GRID1: variants seen among roughly 807,000 people sequenced by gnomAD.
GRID1 encodes the protein glutamate receptor ionotropic, delta-1.
In GRID1, 28 loss-of-function variants were observed where a neutral mutation model predicts 98.0. The ratio of observed to expected loss-of-function variants is 0.29; its 90% CI spans 0.21 to 0.39. GRID1 has a LOEUF of 0.39. Ranked by LOEUF, GRID1 falls within the 10% of genes least tolerant of loss-of-function variation. GRID1 has a pLI of 1.00. For synonymous variants in GRID1, 553 were observed against 538.5 expected (o/e 1.03, Z -0.37); for missense variants, 1,111 against 1,340.5 (o/e 0.83, Z 2.67).
chr10:85,860,288 A>G (rs1286689875), intron 6 of GRID1, among the ~76,000 whole-genome samples: 1 of 152,236 alleles, frequency 6.6e-6, no homozygotes, highest in Non-Finnish European at 1.5e-5. Flanking sequence ...GCTCTGGGTG[A>G]CCTAGGAACA....
At chr10:86,063,606 C>CAT (rs143823053) in intron 4 of GRID1, among the ~76,000 whole-genome samples, 6,587 of 152,218 alleles carry the variant, frequency 0.043, 165 homozygotes, top group Middle Eastern at 0.068. Context: ...TGTGCTTAAC[C>CAT]AATCTGCTAT....
At chr10:85,615,393 C>T (rs980978098) in intron 14 of GRID1, among the ~76,000 whole-genome samples, 2 of 152,210 alleles carry the variant, frequency 1.3e-5, no homozygotes, top group African/African-American at 4.8e-5. Flanking sequence ...AGGACAGGAG[C>T]TGTGGGTTAC....
At chr10:85,979,169 C>T (rs903446606) in intron 4 of GRID1, among the ~76,000 whole-genome samples, 16 of 152,152 alleles carry the variant, frequency 1.1e-4, no homozygotes, top group African/African-American at 3.4e-4. Flanking sequence ...GAAAGCCCTG[C>T]GTGAAACCTG....
intron 3 of GRID1, among the ~76,000 whole-genome samples, chr10:86,196,112 T>A (rs989027920): frequency 6.6e-5 from 10 of 151,984 alleles, no homozygotes; most frequent in African/African-American, 2.4e-4. Flanking sequence ...TCCTTTCCCA[T>A]AAGCTGCTGA....
chr10:85,977,674 A>C (rs761046462), intron 4 of GRID1, among the ~76,000 whole-genome samples: 1 of 152,204 alleles, frequency 6.6e-6, no homozygotes, highest in Non-Finnish European at 1.5e-5. Context: ...GTCCCTCTCC[A>C]GACACAACGC....
chr10:85,634,341 C>T lies in GRID1; in HGVS notation c.2193+12861G>A, dbSNP rs542905822. 4.0e-5 allele frequency among the ~76,000 whole-genome samples: 6 copies of T among 149,890 alleles called. No homozygotes were observed. The South Asian group carries it at 1.3e-3, about 32-fold the overall frequency. On this transcript the variant is annotated intron_variant, in intron 13 of 15. Transcript: ENST00000327946. ...GACTACAATTTCAAAATATAGGACC[C>T]AGAGCAAATCTTAATATCCTCATGT...
intron 8 of GRID1, among the ~76,000 whole-genome samples, chr10:85,737,087 G>T (rs1841890487): frequency 6.6e-6 from 1 of 152,128 alleles, no homozygotes; most frequent in Non-Finnish European, 1.5e-5. Context: ...AACATCTCAG[G>T]CATGTGTATA....
At chr10:86,021,589 A>G (rs1451129906) in intron 4 of GRID1, among the ~76,000 whole-genome samples, 1 of 152,060 alleles carries the variant, frequency 6.6e-6, no homozygotes, top group Non-Finnish European at 1.5e-5. Flanking sequence ...AAAGATTTCT[A>G]TATCCCCTCA....
intron 15 of GRID1, among the ~76,000 whole-genome samples, chr10:85,608,789 G>A (rs1041663944): frequency 5.3e-5 from 8 of 152,168 alleles, no homozygotes; most frequent in African/African-American, 1.9e-4. Flanking sequence ...AAGTGATCTG[G>A]TTTTGAGATA....
At chr10:86,346,755 G>T (rs2132113700) in intron 2 of GRID1, among the ~76,000 whole-genome samples, 1 of 152,328 alleles carries the variant, frequency 6.6e-6, no homozygotes, top group Admixed American at 6.5e-5. Flanking sequence ...GGAGGATGGG[G>T]CAAGGCTGCT....
rs7895679 is a variant in GRID1 at position 85,909,228 on chromosome 10, A to G, written c.780+6958T>C. ...CAGTTATGAGGGAAATGAAAAATCAACATCACAGTGAGGACCATTACACAC... is the reference window on the plus strand; with the variant it reads ...CAGTTATGAGGGAAATGAAAAATCAGCATCACAGTGAGGACCATTACACAC... On this transcript the variant is annotated intron_variant, in intron 5 of 15. Coordinates refer to ENST00000327946, the MANE Select transcript of GRID1 (RefSeq NM_017551.3). Among the ~76,000 whole-genome samples the G allele has an allele frequency of 2.0e-3, 307 of 152,356 alleles. 4 individuals are homozygous for G. Among genetic ancestry groups the G allele is most frequent in the African/African-American group, 7.0e-3 (292 of 41,580 alleles).
chr10:86,190,153 C>A (rs112719490), intron 3 of GRID1, among the ~76,000 whole-genome samples: 1 of 152,198 alleles, frequency 6.6e-6, no homozygotes, highest in Non-Finnish European at 1.5e-5. Flanking sequence ...CGCCCACCCC[C>A]AAGCAGGTCA....
At chr10:85,707,018 A>C (rs1442769149) in intron 12 of GRID1, among the ~76,000 whole-genome samples, 1 of 152,188 alleles carries the variant, frequency 6.6e-6, no homozygotes, top group East Asian at 1.9e-4. Flanking sequence ...CCTAGAAGAA[A>C]ACCTAGGCAA....
intron 2 of GRID1, among the ~76,000 whole-genome samples, chr10:86,272,878 T>C (rs866769053): frequency 3.9e-5 from 6 of 152,172 alleles, no homozygotes; most frequent in Non-Finnish European, 7.3e-5. Context: ...CTAGGCACAC[T>C]AATCTCTTTT....
intron 12 of GRID1, among the ~76,000 whole-genome samples, chr10:85,672,446 T>C (rs1185601429): frequency 3.3e-5 from 5 of 152,180 alleles, no homozygotes; most frequent in Admixed American, 2.6e-4. Flanking sequence ...TAGCTGGGAC[T>C]ACAGGTGCCC....
chr10:85,849,122 C>T (rs1176381019), intron 8 of GRID1, among the ~76,000 whole-genome samples: 1 of 152,184 alleles, frequency 6.6e-6, no homozygotes, highest in African/African-American at 2.4e-5. Context: ...TACTTCATTA[C>T]GAGTTAGCCT....
Position 85,613,409 on chromosome 10 carries a change from C to T in GRID1, c.2599G>A (p.Glu867Lys), listed in dbSNP as rs1158883162. The change falls in exon 15 of 16, where the codon GAG becomes AAG. Residue 867 changes from glutamate (E) to lysine (K), a missense_variant and splice_region_variant. Around this residue, in one of 3 missense-constraint regions of GRID1, gnomAD observed 762 missense variants for 869.1 expected, o/e 0.88. Coordinates refer to ENST00000327946, the MANE Select transcript of GRID1 (RefSeq NM_017551.3). ...SNRCHQETPK[E>K]DKEVNLEQVH... The stretch of plus-strand genomic sequence containing the variant: ...AGGGCAGGCCCCAGGGTGCTGACCT[C>T]CTTGGGGGTCTCCTGGTGGCACCGG... The T allele has an allele frequency of 1.2e-6, 2 of 1,612,330 alleles. No individual in the cohort carries two copies. The highest frequency in any genetic ancestry group is 1.7e-6 in the Non-Finnish European group (2 of 1,179,638).
At chr10:85,957,356 C>T (rs1037912421) in intron 4 of GRID1, among the ~76,000 whole-genome samples, 2 of 152,034 alleles carry the variant, frequency 1.3e-5, no homozygotes, top group African/African-American at 4.8e-5. Flanking sequence ...CCTCACACAC[C>T]CCATGAATGA....
At chr10:85,753,531 A>T (rs1001200554) in intron 8 of GRID1, among the ~76,000 whole-genome samples, 2 of 152,250 alleles carry the variant, frequency 1.3e-5, no homozygotes, top group Non-Finnish European at 2.9e-5. Context: ...CACTAAAACC[A>T]AAGGGTCTTG....
Sources: allele counts gnomAD v4.1 joint callset (sites outside exome capture counted in the v4.1 genomes callset), GRCh38; gene constraint gnomAD v4.1.1; regional missense constraint gnomAD v4.1.1; transcripts MANE v1.5; gene names NCBI Gene and HGNC (gene_info 2026-07-23, HGNC 2026-07-21).